The following TENM1 variants were observed in gnomAD, a reference collection of about 807,000 sequenced individuals.
The protein encoded by TENM1 is teneurin transmembrane protein 1, also known as teneurin-1.
A neutral mutation model predicts 174.8 loss-of-function variants in TENM1; 35 were observed. That is an observed-to-expected ratio of 0.20 (90% CI 0.15 to 0.27). The LOEUF (loss-of-function observed/expected upper bound fraction) is 0.27, where lower values mean the gene tolerates loss of function less well. TENM1 is among the 10% of genes least tolerant of loss of function. The pLI, the probability that TENM1 is intolerant of heterozygous loss-of-function variation, is 1.00. For synonymous variants in TENM1, 781 were observed against 798.7 expected (o/e 0.98, Z 0.37); for missense variants, 1,633 against 2,130.1 (o/e 0.77, Z 4.59).
the TENM1 span, among the ~76,000 whole-genome samples, chrX:125,105,999 C>T: frequency 5.4e-5 from 6 of 111,943 alleles, no homozygotes; most frequent in East Asian, 1.1e-3. Context: ...GTTCCATAGA[C>T]CCGCCCACTC....
chrX:125,101,651 G>C, the TENM1 span, among the ~76,000 whole-genome samples: 1 of 111,928 alleles, frequency 8.9e-6, no homozygotes, highest in Non-Finnish European at 1.9e-5. Flanking sequence ...AAGATTCTTA[G>C]TGATTCTGCC....
At chrX:125,115,639 T>C in the TENM1 span, among the ~76,000 whole-genome samples, 1 of 111,086 alleles carries the variant, frequency 9.0e-6, no homozygotes, top group Admixed American at 9.6e-5. Context: ...CCATTCACAA[T>C]TGCTACAAAG....
intron 5 of TENM1, among the ~76,000 whole-genome samples, chrX:124,700,207 G>C (rs2052743803): frequency 9.0e-6 from 1 of 111,155 alleles, no homozygotes; most frequent in African/African-American, 3.3e-5. Flanking sequence ...GTAAAATAAA[G>C]GCAAAGTGAC....
intron 15 of TENM1, among the ~76,000 whole-genome samples, chrX:124,530,346 A>AT (rs1187313557): frequency 9.1e-6 from 1 of 110,452 alleles, no homozygotes. Flanking sequence ...TTGTTTCTTA[A>AT]TTTTTTTCTG....
intron 18 of TENM1, among the ~76,000 whole-genome samples, chrX:124,513,574 T>C (rs750334018): frequency 8.9e-6 from 1 of 112,368 alleles, no homozygotes; most frequent in African/African-American, 3.2e-5. Context: ...ATTTCTGAAT[T>C]TGAAGCAAAT....
chrX:124,885,898 C>A (rs1410433971), intron 3 of TENM1, among the ~76,000 whole-genome samples: 1 of 111,118 alleles, frequency 9.0e-6, no homozygotes, highest in Non-Finnish European at 1.9e-5. Context: ...AAATTGTGAG[C>A]TATTCTGCAT....
chrX:124,772,130 A>C (rs1200161128), intron 3 of TENM1, among the ~76,000 whole-genome samples: 6 of 108,857 alleles, frequency 5.5e-5, no homozygotes, highest in Non-Finnish European at 1.1e-4. Flanking sequence ...CAAATCCCCT[A>C]TATTCTTTCT....
chrX:124,462,429 T>TGGGG (rs1487840715), intron 22 of TENM1, among the ~76,000 whole-genome samples: 3 of 28,810 alleles, frequency 1.0e-4, no homozygotes, highest in African/African-American at 5.5e-4. Flanking sequence ...TGTGTGTGTG[T>TGGGG]GTGGGGGGGG....
At chrX:124,386,741 G>T (rs1374571265) in intron 28 of TENM1, among the ~76,000 whole-genome samples, 1 of 109,762 alleles carries the variant, frequency 9.1e-6, no homozygotes, top group Non-Finnish European at 1.9e-5. Flanking sequence ...TAGAGCCAGG[G>T]TCTCACGGTG....
At chrX:125,104,915 T>C in the TENM1 span, among the ~76,000 whole-genome samples, 1 of 112,024 alleles carries the variant, frequency 8.9e-6, no homozygotes, top group African/African-American at 3.2e-5. Flanking sequence ...ACAAAGATGC[T>C]GTATTATGCA....
At chrX:124,917,299 T>A (rs2057941889) in intron 1 of TENM1, among the ~76,000 whole-genome samples, 1 of 111,894 alleles carries the variant, frequency 8.9e-6, no homozygotes, top group Non-Finnish European at 1.9e-5. Flanking sequence ...TCCACCTTGT[T>A]GTTTGGTTAC....
chrX:125,078,674 T>C, the TENM1 span, among the ~76,000 whole-genome samples: 1 of 111,341 alleles, frequency 9.0e-6, no homozygotes, highest in South Asian at 3.7e-4. Context: ...ACTAAATCCA[T>C]AGTGATGATG....
chrX:124,653,745 C>T (rs1018140117), exon 7 of TENM1: 1 of 1,211,485 alleles, frequency 8.3e-7, no homozygotes, highest in Non-Finnish European at 1.1e-6. Context: ...GCACCAATGT[C>T]AACTTCTCCA....
intron 15 of TENM1, among the ~76,000 whole-genome samples, chrX:124,542,570 G>T (rs997366337): frequency 1.8e-5 from 2 of 111,493 alleles, no homozygotes; most frequent in African/African-American, 3.3e-5. Flanking sequence ...CAGGACTGTT[G>T]CAAGATTTTA....
intron 3 of TENM1, among the ~76,000 whole-genome samples, chrX:124,784,798 C>T (rs993070807): frequency 9.0e-6 from 1 of 111,182 alleles, no homozygotes; most frequent in Non-Finnish European, 1.9e-5. Flanking sequence ...AACAAACACA[C>T]AAGAGGAATA....
At chrX:124,502,251 C>T (rs2047347911) in intron 19 of TENM1, among the ~76,000 whole-genome samples, 1 of 107,415 alleles carries the variant, frequency 9.3e-6, no homozygotes, top group African/African-American at 3.5e-5. Context: ...AAACTAATTA[C>T]TGGTGAATTG....
chrX:124,795,466 T>C (rs747134928), intron 3 of TENM1, among the ~76,000 whole-genome samples: 14 of 112,184 alleles, frequency 1.2e-4, no homozygotes, highest in Admixed American at 5.7e-4. Flanking sequence ...ACAATGTCCA[T>C]GTGGCATTTT....
chrX:124,967,923 T>C (rs980923261), upstream of TENM1, among the ~76,000 whole-genome samples: 3 of 111,749 alleles, frequency 2.7e-5, no homozygotes, highest in Admixed American at 9.5e-5. Flanking sequence ...AGCTGAACTA[T>C]AAAAGAAATG....
In TENM1 at chrX:124,653,725, C is replaced by G. The variant is rs745423478; in HGVS notation, c.1227G>C (p.Met409Ile). 1.5e-5 allele frequency: 18 copies of G among 1,211,328 alleles called. No homozygotes were observed. The Admixed American group carries it at 3.9e-4, about 26-fold the overall frequency. The change falls in exon 7 of 32, where the codon ATG (methionine) becomes ATC (isoleucine). Residue 409 changes from methionine to isoleucine, a missense_variant. Met to Ile is a conservative substitution (Grantham distance 10, BLOSUM62 1). Coordinates refer to ENST00000422452, the Ensembl canonical transcript of TENM1. ...AGAATAAACCAGGTGGAATGGTCTG[C>G]ATGACCTGTGCACCAATGTCAACTT...
Sources: allele counts gnomAD v4.1 joint callset (sites outside exome capture counted in the v4.1 genomes callset), GRCh38; gene constraint gnomAD v4.1.1; transcripts MANE v1.5; gene names NCBI Gene and HGNC (gene_info 2026-07-23, HGNC 2026-07-21).